The following CEP89 variants were observed in gnomAD, a reference collection of about 807,000 sequenced individuals.
The protein encoded by CEP89 is centrosomal protein of 89 kDa.
A neutral mutation model predicts 97.6 loss-of-function variants in CEP89; 95 were observed. The observed-to-expected ratio is 0.97, with a 90% CI of 0.82 to 1.15. The LOEUF is 1.15. Among genes scored for constraint, CEP89 ranks in the 50% most tolerant of loss-of-function variants. The probability of loss-of-function intolerance (pLI) is 0.00; values close to 1 mark genes in which losing one functional copy is unlikely to be tolerated. For synonymous variants in CEP89, 354 were observed against 349.1 expected (o/e 1.01, Z -0.16); for missense variants, 869 against 947.7 (o/e 0.92, Z 1.09).
At chr19:32,954,266 G>A (rs1209833537) in intron 3 of CEP89, among the ~76,000 whole-genome samples, 3 of 152,030 alleles carry the variant, frequency 2.0e-5, no homozygotes, top group Non-Finnish European at 2.9e-5. Flanking sequence ...ATTTTCCACC[G>A]TCCCATCTCT....
chr19:32,917,533 T>C (rs1465889320), intron 13 of CEP89, among the ~76,000 whole-genome samples: 1 of 152,234 alleles, frequency 6.6e-6, no homozygotes, highest in Non-Finnish European at 1.5e-5. Flanking sequence ...GCAAGATGGC[T>C]TGTGTTTCAG....
At chr19:32,935,853 C>G (rs12977514) in intron 7 of CEP89, among the ~76,000 whole-genome samples, 19,836 of 152,058 alleles carry the variant, frequency 0.13, 1,364 homozygotes, top group East Asian at 0.29. Context: ...CCAAGAAGGC[C>G]CCCACCACCC....
At chr19:32,908,871 A>C (rs1442290501) in intron 14 of CEP89, among the ~76,000 whole-genome samples, 1 of 152,228 alleles carries the variant, frequency 6.6e-6, no homozygotes, top group Non-Finnish European at 1.5e-5. Flanking sequence ...ATTTTTGTGT[A>C]GGGATAAAAG....
chr19:32,960,557 C>G (rs1477089945), intron 2 of CEP89, among the ~76,000 whole-genome samples: 1 of 152,108 alleles, frequency 6.6e-6, no homozygotes, highest in Non-Finnish European at 1.5e-5. Flanking sequence ...TGCTTATAAT[C>G]CCAGCACTTT....
At chr19:32,952,850 G>A (rs1329921658) in intron 4 of CEP89, among the ~76,000 whole-genome samples, 4 of 131,984 alleles carry the variant, frequency 3.0e-5, no homozygotes, top group Non-Finnish European at 6.1e-5. Flanking sequence ...GCTACAGTGA[G>A]CTATAATGGT....
At chr19:32,897,604 G>A (rs1158966191) in intron 16 of CEP89, among the ~76,000 whole-genome samples, 2 of 152,072 alleles carry the variant, frequency 1.3e-5, no homozygotes, top group African/African-American at 4.8e-5. Context: ...AATTGAGACA[G>A]GGTCTTGTTC....
chr19:32,931,034 C>T (rs1047331298), intron 9 of CEP89, among the ~76,000 whole-genome samples: 6 of 151,948 alleles, frequency 3.9e-5, no homozygotes, highest in Admixed American at 6.6e-5. Flanking sequence ...TACAGGCATG[C>T]GCCACCATGC....
At position 32,887,735 on chromosome 19, in the gene CEP89, G is replaced by C. The variant is rs367634382; in HGVS notation, c.1965+17C>G. On this transcript the variant is annotated intron_variant, in intron 17 of 18. Transcript: ENST00000305768. ...CCCATCTGAAAATGAAATCTCTGAG[G>C]CCAAATAACCACTTACCTTGACTTT... 1 of 1,530,940 alleles carries C rather than the reference G, an allele frequency of 6.5e-7. No individual in the cohort carries two copies. Among genetic ancestry groups the C allele is most frequent in the African/African-American group, 1.4e-5 (1 of 73,202 alleles). The allele number at this position is 1,530,940 out of a possible 1,614,324, so 94.8% of individuals were successfully genotyped here.
At chr19:32,885,581 C>T (rs965528982) in intron 17 of CEP89, among the ~76,000 whole-genome samples, 2 of 152,188 alleles carry the variant, frequency 1.3e-5, no homozygotes, top group Non-Finnish European at 2.9e-5. Flanking sequence ...CTTGGCCTCC[C>T]AAAGTGCTTG....
At chr19:32,968,680 C>T (rs1197683447) in intron 1 of CEP89, among the ~76,000 whole-genome samples, 1 of 152,020 alleles carries the variant, frequency 6.6e-6, no homozygotes, top group Non-Finnish European at 1.5e-5. Context: ...TAACTATGGT[C>T]CCCTCATCAA....
intron 1 of CEP89, 119 bp from the exon 2 acceptor site, chr19:32,966,585 C>G: frequency 2.2e-6 from 1 of 464,252 alleles, no homozygotes; most frequent in Non-Finnish European, 3.7e-6. Flanking sequence ...TGGATCCAAA[C>G]CCATCAGAAG....
At chr19:32,949,198 C>G (rs1339340635) in intron 4 of CEP89, among the ~76,000 whole-genome samples, 10 of 152,154 alleles carry the variant, frequency 6.6e-5, no homozygotes, top group Non-Finnish European at 1.5e-5. Context: ...TTCATGTTAG[C>G]TATATAGGAG....
chr19:32,949,384 C>CTTTTTTTTTTT (rs1014637282), intron 4 of CEP89, among the ~76,000 whole-genome samples: 1 of 145,966 alleles, frequency 6.9e-6, no homozygotes, highest in Admixed American at 6.9e-5. Flanking sequence ...TGAAGCAGGT[C>CTTTTTTTTTTT]TTTTTTTTTT....
At chr19:32,907,232 G>A (rs748051150) in intron 14 of CEP89, among the ~76,000 whole-genome samples, 20 of 152,210 alleles carry the variant, frequency 1.3e-4, no homozygotes, top group African/African-American at 2.6e-4. Context: ...ACGATGGCGC[G>A]TGACTATAGT....
chr19:32,917,238 C>T (rs942945969), intron 13 of CEP89, among the ~76,000 whole-genome samples: 1 of 152,290 alleles, frequency 6.6e-6, no homozygotes, highest in East Asian at 1.9e-4. Flanking sequence ...GGCTCCACAA[C>T]TCTGTTTCCC....
rs1289479213 is a variant in CEP89, at chr19:32,937,688, A to G, written c.625-15T>C. The G allele has an allele frequency of 1.3e-6, 2 of 1,594,444 alleles. No individual in the cohort carries two copies. Among genetic ancestry groups the G allele is most frequent in the Non-Finnish European group, 1.7e-6 (2 of 1,165,024 alleles). On this transcript the variant is annotated splice_polypyrimidine_tract_variant and intron_variant, in intron 6 of 18. Transcript: ENST00000305768. ...GGTTTTTCATCCTAGGAAAGAAAGA[A>G]CATAAGAGGAATAAGTGCAGAGCAT...
In CEP89 at chr19:32,901,338, G is replaced by A. The variant is rs200520144; in HGVS notation, c.1640C>T (p.Ala547Val). The change falls in exon 15 of 19, where the codon GCG (alanine) becomes GTG (valine). Residue 547 changes from alanine to valine, a missense_variant. Physicochemically the swap from Ala to Val is moderately conservative, Grantham distance 64. Transcript: ENST00000305768. ...ELMEKLTVLQAQKKSLLLEKN... is the reference protein window; with the variant it reads ...ELMEKLTVLQVQKKSLLLEKN... ...CTCTAACAGCAGGCTCTTCTTCTGCGCTTGCAGGACTGTCAGCTTCTCCAT... is the reference window on the plus strand; with the variant it reads ...CTCTAACAGCAGGCTCTTCTTCTGCACTTGCAGGACTGTCAGCTTCTCCAT... The A allele has an allele frequency of 1.8e-4, 297 of 1,614,042 alleles. 4 individuals are homozygous for A. In the South Asian group the frequency reaches 2.4e-3, roughly 13 times the overall value.
At chr19:32,889,886 C>G (rs1477452353) in intron 16 of CEP89, among the ~76,000 whole-genome samples, 1 of 152,144 alleles carries the variant, frequency 6.6e-6, no homozygotes, top group African/African-American at 2.4e-5. Flanking sequence ...CCAGCACACA[C>G]AGCAGCAGAA....
At chr19:32,943,411 C>T (rs1173679281) in intron 5 of CEP89, among the ~76,000 whole-genome samples, 1 of 152,182 alleles carries the variant, frequency 6.6e-6, no homozygotes, top group Non-Finnish European at 1.5e-5. Context: ...CCCTCGAAAC[C>T]TTCCCCTCTC....
Sources: allele counts gnomAD v4.1 joint callset (sites outside exome capture counted in the v4.1 genomes callset), GRCh38; gene constraint gnomAD v4.1.1; transcripts MANE v1.5; gene names NCBI Gene and HGNC (gene_info 2026-07-23, HGNC 2026-07-21).